NETO1: variants seen among roughly 807,000 people sequenced by gnomAD.
NETO1 encodes the protein neuropilin and tolloid like 1.
NETO1 carries 26 observed loss-of-function variants against 61.3 expected under a neutral mutation model. That is an observed-to-expected ratio of 0.42 (90% confidence interval 0.31 to 0.59). The LOEUF (loss-of-function observed/expected upper bound fraction) is 0.59, where lower values mean the gene tolerates loss of function less well. NETO1 is among the 20% of genes least tolerant of loss of function. The pLI, the probability that NETO1 is intolerant of heterozygous loss-of-function variation, is 0.12. For missense variants in NETO1, 531 were observed against 662.8 expected (o/e 0.80, Z 2.18); for synonymous variants, 225 against 225.8 (o/e 1.00, Z 0.03).
chr18:72,770,519 A>C (rs1294882916), intron 7 of NETO1, among the ~76,000 whole-genome samples: 1 of 152,098 alleles, frequency 6.6e-6, no homozygotes, highest in Non-Finnish European at 1.5e-5. Flanking sequence ...TTTATATTTA[A>C]ATCTGCACCA....
intron 6 of NETO1, among the ~76,000 whole-genome samples, chr18:72,789,712 T>C (rs868625206): frequency 2.0e-5 from 3 of 152,298 alleles, no homozygotes; most frequent in Middle Eastern, 3.4e-3. Context: ...CCAAGGTCTG[T>C]ATTTTCTTGA....
intron 7 of NETO1, among the ~76,000 whole-genome samples, chr18:72,778,522 C>T (rs538835666): frequency 6.6e-6 from 1 of 152,208 alleles, no homozygotes; most frequent in South Asian, 2.1e-4. Context: ...GCAAAATATC[C>T]AATTTCATCC....
chr18:72,829,722 T>G (rs2073511396), intron 4 of NETO1, among the ~76,000 whole-genome samples: 1 of 152,186 alleles, frequency 6.6e-6, no homozygotes, highest in South Asian at 2.1e-4. Context: ...AAACTCTAAG[T>G]AACAAAATAA....
chr18:72,780,769 AG>A (rs1322627883), intron 7 of NETO1, among the ~76,000 whole-genome samples: 1 of 152,164 alleles, frequency 6.6e-6, no homozygotes, highest in Admixed American at 6.5e-5. Context: ...CATAGGTGTG[AG>A]GTAGTTATCA....
At chr18:72,771,593 T>C (rs2071353582) in intron 7 of NETO1, among the ~76,000 whole-genome samples, 3 of 152,186 alleles carry the variant, frequency 2.0e-5, no homozygotes, top group Admixed American at 6.6e-5. Flanking sequence ...AATGAAAAGT[T>C]ATTAATGATT....
chr18:72,799,033 C>T (rs1338133433), intron 4 of NETO1, among the ~76,000 whole-genome samples: 1 of 152,138 alleles, frequency 6.6e-6, no homozygotes, highest in African/African-American at 2.4e-5. Context: ...TGTTGAAAAC[C>T]ATCACTTCAT....
In NETO1 at chr18:72,746,118, G is replaced by T. The variant is rs541921503; in HGVS notation, c.*2061C>A. ...GGGACGGACATGCCGGACAGTTATA[G>T]AACAAATTAATAGTAAAATGTTCAC... On this transcript the variant is annotated 3_prime_UTR_variant, in exon 11 of 11. Transcript: ENST00000327305. Among the ~76,000 whole-genome samples, 1 of 151,974 alleles carries T rather than the reference G, an allele frequency of 6.6e-6. No individual in the cohort carries two copies.
At chr18:72,825,109 G>A (rs1278154576) in intron 4 of NETO1, among the ~76,000 whole-genome samples, 1 of 152,134 alleles carries the variant, frequency 6.6e-6, no homozygotes, top group Admixed American at 6.5e-5. Flanking sequence ...AGGATATGAT[G>A]TTATAACATG....
At chr18:72,859,178 T>G (rs1009763829) in intron 3 of NETO1, 104 bp from the exon 4 acceptor site, 4 of 1,121,770 alleles carry the variant, frequency 3.6e-6, no homozygotes, top group Non-Finnish European at 3.8e-6. Flanking sequence ...CTCTCAAACT[T>G]TATGGATGAT....
chr18:72,755,971 A>G, intron 8 of NETO1, 63 bp downstream of exon 8: 2 of 800,316 alleles, frequency 2.5e-6, no homozygotes, highest in Non-Finnish European at 4.4e-6. Context: ...ATTGATACAT[A>G]TAAACTTCTA....
At position 72,865,207 on chromosome 18, in the gene NETO1, C is replaced by T. The variant is rs766781234; in HGVS notation, c.63G>A (p.Gly21=). The T allele has an allele frequency of 6.2e-7, 1 of 1,612,942 alleles. No individual in the cohort carries two copies. Among genetic ancestry groups the T allele is most frequent in the South Asian group, 1.1e-5 (1 of 90,880 alleles). ...ACACACCTGTTCCTTTCTTGGTTGC[C>T]CCAGACAAATGGAGGATGATTAAAC... The part of the protein sequence containing the change: ...VASLIILHLS[G]ATKKGTEKQT... Residue 21 remains glycine (G), a synonymous_variant, in exon 2 of 11, where the codon GGG becomes GGA. Transcript: ENST00000327305.
chr18:72,848,068 T>A (rs1044098850), intron 4 of NETO1, among the ~76,000 whole-genome samples: 2 of 152,136 alleles, frequency 1.3e-5, no homozygotes, highest in Admixed American at 6.5e-5. Flanking sequence ...CACTTCTACT[T>A]CCCTGTTCCA....
chr18:72,774,955 G>C (rs1388352105), intron 7 of NETO1, among the ~76,000 whole-genome samples: 1 of 152,058 alleles, frequency 6.6e-6, no homozygotes, highest in East Asian at 1.9e-4. Flanking sequence ...GATTTTCTTT[G>C]TCTTGTCCCT....
rs888998165 is a variant in NETO1 at position 72,748,142 on chromosome 18, A to G, written c.*37T>C. 2.0e-6 allele frequency: 2 copies of G among 980,858 alleles called. No individual in the cohort carries two copies. The highest frequency in any genetic ancestry group is 2.4e-6 in the Non-Finnish European group (2 of 825,442). 60.8% of individuals were successfully genotyped at this position (980,858 alleles called of 1,614,324 possible). A position where few individuals can be genotyped will look rare whatever the true frequency, so the allele number is the denominator to read the frequency against. ...ATAGAATTTTCTTTTCACAGTCCCC[A>G]TGTTTGTATAAATAGTTCTTCTCTG... is the stretch of plus-strand genomic sequence containing the variant. On this transcript the variant is annotated 3_prime_UTR_variant, in exon 11 of 11. Coordinates refer to ENST00000327305, the MANE Select transcript of NETO1 (RefSeq NM_138966.5).
intron 4 of NETO1, among the ~76,000 whole-genome samples, chr18:72,839,795 T>C (rs890111635): frequency 0.037 from 19 of 514 alleles, no homozygotes; most frequent in Admixed American, 0.22. Flanking sequence ...GTTTAAGACA[T>C]GTTATAAGTT....
intron 4 of NETO1, among the ~76,000 whole-genome samples, chr18:72,828,484 C>A (rs563529667): frequency 1.4e-3 from 211 of 152,166 alleles, no homozygotes; most frequent in Middle Eastern, 6.8e-3. Flanking sequence ...AAATGTAACA[C>A]AGTAAGAAAC....
chr18:72,785,362 A>C (rs534727840), intron 6 of NETO1, among the ~76,000 whole-genome samples: 1 of 152,232 alleles, frequency 6.6e-6, no homozygotes, highest in South Asian at 2.1e-4. Context: ...TGTCAATTTC[A>C]CCTTCAAACT....
chr18:72,834,821 C>T (rs1599111872), intron 4 of NETO1: 1 of 984,224 alleles, frequency 1.0e-6, no homozygotes, highest in South Asian at 4.7e-5. Flanking sequence ...GAAGAATTCA[C>T]AATATTTTGG....
Position 72,746,774 on chromosome 18 carries a change from T to G in NETO1, c.*1405A>C, listed in dbSNP as rs1185288091. ...TGAAAATGTTGGGAAGCATATATAC[T>G]GATAGTAATTCTTATTTTAAAAATT... On this transcript the variant is annotated 3_prime_UTR_variant, in exon 11 of 11. Coordinates refer to ENST00000327305, the MANE Select transcript of NETO1 (RefSeq NM_138966.5). Among the ~76,000 whole-genome samples, 1 of 152,108 alleles carries G rather than the reference T, an allele frequency of 6.6e-6. No homozygotes were observed. Among genetic ancestry groups the G allele is most frequent in the South Asian group, 2.1e-4 (1 of 4,822 alleles).
Sources: allele counts gnomAD v4.1 joint callset (sites outside exome capture counted in the v4.1 genomes callset), GRCh38; gene constraint gnomAD v4.1.1; transcripts MANE v1.5; gene names NCBI Gene and HGNC (gene_info 2026-07-23, HGNC 2026-07-21).